Variants in APP observed in about 807,000 individuals in gnomAD.
APP encodes amyloid-beta precursor protein.
A neutral mutation model predicts 101.4 loss-of-function variants in APP; 31 were observed. The observed-to-expected ratio is 0.31, with a 90% CI of 0.23 to 0.41. The LOEUF is 0.41. Among genes scored for constraint, APP ranks in the 10% least tolerant of loss-of-function variants. The pLI is 1.00. For missense variants in APP, 839 were observed against 1,003.7 expected (o/e 0.84, Z 2.22); for synonymous variants, 366 against 364.4 (o/e 1.00, Z -0.05).
At position 26,136,169 on chromosome 21, in the gene APP, AAAAGAAAGAAAG is replaced by A. The variant is rs138676290; in HGVS notation, c.58-24035_58-24024del. On this transcript the variant is annotated intron_variant, in intron 1 of 17. Transcript: ENST00000346798. ...GAAAAGAAAAGAAAAGAAAAGAAAG[AAAAGAAAGAAAG>A]AAAGAAAGAAAGAAAGAAAGAAAAG... Among the ~76,000 whole-genome samples the A allele has an allele frequency of 1.5e-3, 142 of 92,014 alleles. 14 individuals carry two copies. The South Asian group carries it at 0.042, about 27-fold the overall frequency. The allele number at this position is 92,014 out of a possible 152,430, so 60.4% of individuals were successfully genotyped here. A position where few individuals can be genotyped will look rare whatever the true frequency, so the allele number is the denominator to read the frequency against.
intron 8 of APP, among the ~76,000 whole-genome samples, chr21:25,996,724 G>A (rs545058748): frequency 6.6e-6 from 1 of 152,344 alleles, no homozygotes; most frequent in African/African-American, 2.4e-5. Context: ...CCTCAAGGCT[G>A]CAGTTAATTT....
chr21:25,994,031 C>G (rs574123391), intron 8 of APP, among the ~76,000 whole-genome samples: 13 of 152,348 alleles, frequency 8.5e-5, no homozygotes, highest in African/African-American at 3.1e-4. Flanking sequence ...ATGGTGCAAT[C>G]TGCTGACTAA....
chr21:25,894,680 GAA>G (rs2037915167), intron 16 of APP, among the ~76,000 whole-genome samples: 3 of 152,214 alleles, frequency 2.0e-5, no homozygotes, highest in South Asian at 2.1e-4. Flanking sequence ...GATGAGCAAA[GAA>G]AGTGGTTTCT....
rs532601226 is a variant in APP, at chr21:25,932,194, G to A, written c.1688-20232C>T. 1.5e-3 allele frequency among the ~76,000 whole-genome samples: 232 copies of A among 152,310 alleles called. 1 individual carries two copies. Among genetic ancestry groups the A allele is most frequent in the Non-Finnish European group, 2.4e-3 (162 of 68,032 alleles). On this transcript the variant is annotated intron_variant, in intron 13 of 17. Coordinates refer to ENST00000346798, the MANE Select transcript of APP (RefSeq NM_000484.4). ...AATCATTTTAGAATAAGAATCCTAT[G>A]AGATAATAATAAAATGCAACTTCAT...
At chr21:25,926,604 T>C (rs1257214514) in intron 13 of APP, among the ~76,000 whole-genome samples, 1 of 152,088 alleles carries the variant, frequency 6.6e-6, no homozygotes. Context: ...TCCTGAGAAG[T>C]ATACTTAAAA....
chr21:26,144,000 C>T (rs1343305174), intron 1 of APP, among the ~76,000 whole-genome samples: 1 of 152,152 alleles, frequency 6.6e-6, no homozygotes, highest in Non-Finnish European at 1.5e-5. Context: ...AACTGACTCA[C>T]AGTTCAGCAT....
chr21:25,882,177 T>C lies in APP; in HGVS notation c.2212-406A>G, dbSNP rs537377903. Among the ~76,000 whole-genome samples the C allele has an allele frequency of 4.6e-5, 7 of 151,944 alleles. No homozygotes were observed. In the South Asian group the frequency reaches 6.3e-4, roughly 14 times the overall value. On this transcript the variant is annotated intron_variant, in intron 17 of 17. Transcript: ENST00000346798. ...AATAGATAAAACCACAAGAGTATCA[T>C]GGAGGGAGATTCAGCAAAGTATACT...
At chr21:26,164,566 T>C (rs1251691205) in intron 1 of APP, among the ~76,000 whole-genome samples, 1 of 152,176 alleles carries the variant, frequency 6.6e-6, no homozygotes, top group Non-Finnish European at 1.5e-5. Flanking sequence ...ATATTAGACA[T>C]CTGTGGCAAG....
chr21:25,957,497 G>T (rs980887174), intron 11 of APP, among the ~76,000 whole-genome samples: 1 of 152,166 alleles, frequency 6.6e-6, no homozygotes, highest in Non-Finnish European at 1.5e-5. Flanking sequence ...AAGCACCAAG[G>T]TCTTAGAAAT....
intron 4 of APP, among the ~76,000 whole-genome samples, chr21:26,052,635 A>G (rs1160600787): frequency 6.6e-6 from 1 of 152,246 alleles, no homozygotes; most frequent in Admixed American, 6.5e-5. Flanking sequence ...GGAAAAATCA[A>G]GATGGTAGGC....
intron 9 of APP, among the ~76,000 whole-genome samples, chr21:25,980,672 C>T (rs1002633709): frequency 1.4e-5 from 2 of 141,830 alleles, no homozygotes; most frequent in East Asian, 4.4e-4. Flanking sequence ...AACAAACAAA[C>T]AAAAAACAAA....
intron 3 of APP, among the ~76,000 whole-genome samples, chr21:26,057,577 G>A (rs975481900): frequency 7.9e-5 from 12 of 152,166 alleles, no homozygotes; most frequent in Admixed American, 7.9e-4. Context: ...TTGGCAAGGT[G>A]AACAAGGATG....
chr21:26,117,673 C>G (rs2062465462), intron 1 of APP, among the ~76,000 whole-genome samples: 1 of 151,502 alleles, frequency 6.6e-6, no homozygotes, highest in African/African-American at 2.4e-5. Flanking sequence ...GGCTTTGCCC[C>G]TGTGTGTGTG....
intron 3 of APP, among the ~76,000 whole-genome samples, chr21:26,088,373 T>C (rs914791143): frequency 6.6e-6 from 1 of 152,192 alleles, no homozygotes; most frequent in Non-Finnish European, 1.5e-5. Flanking sequence ...TTCTGAAACA[T>C]GACTGCAGTT....
chr21:25,892,936 TAC>T (rs897865839), intron 16 of APP, among the ~76,000 whole-genome samples: 3 of 122,972 alleles, frequency 2.4e-5, no homozygotes, highest in African/African-American at 9.8e-5. Flanking sequence ...CAGTAGTGCT[TAC>T]AGATAGTATT....
chr21:25,991,005 A>G (rs1332314414), intron 8 of APP, among the ~76,000 whole-genome samples: 1 of 152,210 alleles, frequency 6.6e-6, no homozygotes, highest in East Asian at 1.9e-4. Context: ...ACCACAAAAT[A>G]AAAGTCTTTT....
At chr21:25,938,470 A>G (rs971050181) in intron 13 of APP, among the ~76,000 whole-genome samples, 2 of 152,154 alleles carry the variant, frequency 1.3e-5, no homozygotes, top group Non-Finnish European at 2.9e-5. Flanking sequence ...CCCATGTTCA[A>G]GACAAATATA....
intron 5 of APP, among the ~76,000 whole-genome samples, chr21:26,046,668 A>T (rs561398541): frequency 1.3e-5 from 2 of 152,116 alleles, no homozygotes; most frequent in African/African-American, 2.4e-5. Context: ...ATTGTTTCTT[A>T]AAAAAAATGT....
intron 1 of APP, among the ~76,000 whole-genome samples, chr21:26,131,028 G>A (rs891278548): frequency 6.6e-6 from 1 of 152,050 alleles, no homozygotes; most frequent in Non-Finnish European, 1.5e-5. Flanking sequence ...TCGGGAGTTC[G>A]AGACCAGCCT....
Sources: allele counts gnomAD v4.1 joint callset (sites outside exome capture counted in the v4.1 genomes callset), GRCh38; gene constraint gnomAD v4.1.1; transcripts MANE v1.5; gene names NCBI Gene and HGNC (gene_info 2026-07-23, HGNC 2026-07-21).